PCDH15: variants seen among roughly 807,000 people sequenced by gnomAD.
PCDH15 encodes protocadherin related 15, also known as protocadherin-15.
A neutral mutation model predicts 178.5 loss-of-function variants in PCDH15; 129 were observed. The observed-to-expected ratio is 0.72, with a 90% CI of 0.63 to 0.84. PCDH15 has a LOEUF of 0.84. PCDH15 is among the 40% of genes least tolerant of loss of function. PCDH15 has a pLI of 0.00. For synonymous variants in PCDH15, 800 were observed against 732.0 expected (o/e 1.09, Z -1.50); for missense variants, 2,230 against 2,099.9 (o/e 1.06, Z -1.21).
intron 2 of PCDH15, among the ~76,000 whole-genome samples, chr10:55,556,910 A>C (rs990072573): frequency 6.6e-6 from 1 of 152,192 alleles, no homozygotes; most frequent in African/African-American, 2.4e-5. Flanking sequence ...TAATTTATTA[A>C]TCATGTGTAT....
chr10:54,932,125 C>T (rs1264262958), intron 2 of PCDH15, among the ~76,000 whole-genome samples: 1 of 152,148 alleles, frequency 6.6e-6, no homozygotes, highest in African/African-American at 2.4e-5. Context: ...TTAGAGTGTA[C>T]TTCTACTTAT....
Position 54,147,825 on chromosome 10 carries a change from C to G in PCDH15, c.1784+5275G>C, listed in dbSNP as rs565537209. Among the ~76,000 whole-genome samples, 721 of 151,938 alleles carry G rather than the reference C, an allele frequency of 4.7e-3. 18 individuals carry two copies. In the East Asian group the frequency reaches 0.094, roughly 20 times the overall value. On this transcript the variant is annotated intron_variant, in intron 14 of 37. Transcript: ENST00000644397. ...TAGTTTTCCTCCACAACAGTAACTA[C>G]AAAGATTATAGATATGAAACAGTGG... is the stretch of plus-strand genomic sequence containing the variant.
chr10:54,666,720 A>C lies in PCDH15; in HGVS notation c.-28-2430T>G, dbSNP rs920263260. ...AAAATTAATACAAACCAGAAAAGAT[A>C]TGTATTAGAAAACAAAATTAAAGAG... On this transcript the variant is annotated intron_variant, in intron 1 of 37. Coordinates refer to ENST00000644397, the MANE Select transcript of PCDH15 (RefSeq NM_001384140.1). Among the ~76,000 whole-genome samples the C allele has an allele frequency of 5.2e-4, 79 of 152,060 alleles. 1 individual carries two copies. The highest frequency in any genetic ancestry group is 1.9e-3 in the African/African-American group (77 of 41,432).
chr10:53,960,799 A>T (rs2088218276), intron 22 of PCDH15, among the ~76,000 whole-genome samples: 1 of 152,216 alleles, frequency 6.6e-6, no homozygotes, highest in African/African-American at 2.4e-5. Flanking sequence ...CATAGTGCTC[A>T]CTGATCCTTA....
chr10:54,012,078 C>A (rs140770186), intron 20 of PCDH15, among the ~76,000 whole-genome samples: 1 of 151,894 alleles, frequency 6.6e-6, no homozygotes, highest in Non-Finnish European at 1.5e-5. Flanking sequence ...GATGAAATGG[C>A]CATTATAAGA....
At chr10:54,169,656 G>C (rs973066159) in intron 13 of PCDH15, among the ~76,000 whole-genome samples, 64 of 151,006 alleles carry the variant, frequency 4.2e-4, no homozygotes, top group East Asian at 2.9e-3. Flanking sequence ...ACAAGTATAA[G>C]ATACCTCTAC....
At position 54,703,768 on chromosome 10, in the gene PCDH15, AG is replaced by A. The variant is rs147290260; in HGVS notation, c.-28-39479del. Among the ~76,000 whole-genome samples, 3 of 152,186 alleles carry A rather than the reference AG, an allele frequency of 2.0e-5. No homozygotes were observed. In the East Asian group the frequency reaches 5.8e-4, roughly 29 times the overall value. On this transcript the variant is annotated intron_variant, in intron 1 of 37. Transcript: ENST00000644397. ...AAACATTCCATACTCATATATAGCAAGAATCAATACTGTAAAAAGTGCAATA... is the reference window on the plus strand; with the variant it reads ...AAACATTCCATACTCATATATAGCAAAATCAATACTGTAAAAAGTGCAATA...
At chr10:54,890,908 A>C (rs1489590658) in intron 3 of PCDH15, among the ~76,000 whole-genome samples, 1 of 152,094 alleles carries the variant, frequency 6.6e-6, no homozygotes, top group Non-Finnish European at 1.5e-5. Context: ...AGTCTTCAAT[A>C]AAACACATAA....
At chr10:53,839,862 C>T (rs866839924) in intron 29 of PCDH15, among the ~76,000 whole-genome samples, 17 of 152,100 alleles carry the variant, frequency 1.1e-4, no homozygotes, top group African/African-American at 3.6e-4. Context: ...ACCTGCTCTC[C>T]ACCTGTAAGT....
intron 1 of PCDH15, among the ~76,000 whole-genome samples, chr10:55,293,870 T>C (rs1429806380): frequency 1.3e-5 from 2 of 152,176 alleles, no homozygotes; most frequent in Non-Finnish European, 2.9e-5. Context: ...CTCCAAGCTG[T>C]TCCCATCTCT....
At chr10:54,298,724 T>A (rs1481095172) in intron 8 of PCDH15, among the ~76,000 whole-genome samples, 2 of 152,158 alleles carry the variant, frequency 1.3e-5, no homozygotes, top group Admixed American at 1.3e-4. Flanking sequence ...CCCAGGTACG[T>A]TTAACTATTG....
chr10:55,316,053 T>C (rs1843714624), intron 1 of PCDH15, among the ~76,000 whole-genome samples: 1 of 152,128 alleles, frequency 6.6e-6, no homozygotes, highest in Non-Finnish European at 1.5e-5. Context: ...ACAAAATGTT[T>C]CTAATCAAAA....
At chr10:55,602,132 C>A (rs941465924) in intron 2 of PCDH15, among the ~76,000 whole-genome samples, 1 of 152,110 alleles carries the variant, frequency 6.6e-6, no homozygotes, top group Non-Finnish European at 1.5e-5. Context: ...TGACAGACAG[C>A]ACCTGGAAAA....
At chr10:55,089,540 G>A (rs1237423488) in intron 2 of PCDH15, among the ~76,000 whole-genome samples, 1 of 151,880 alleles carries the variant, frequency 6.6e-6, no homozygotes, top group Non-Finnish European at 1.5e-5. Flanking sequence ...ATCTTATTTT[G>A]TATTTCCCCA....
chr10:54,172,288 C>T (rs903985205), intron 13 of PCDH15, among the ~76,000 whole-genome samples: 1 of 151,958 alleles, frequency 6.6e-6, no homozygotes, highest in Non-Finnish European at 1.5e-5. Context: ...GAAACACCCC[C>T]ACTGAGCACC....
At chr10:53,947,716 T>C (rs1459754397) in intron 23 of PCDH15, among the ~76,000 whole-genome samples, 2 of 152,152 alleles carry the variant, frequency 1.3e-5, no homozygotes, top group African/African-American at 4.8e-5. Flanking sequence ...GGATTTTAGA[T>C]AAGAAAATTA....
chr10:55,120,135 G>A (rs1351176336), intron 2 of PCDH15, among the ~76,000 whole-genome samples: 1 of 152,094 alleles, frequency 6.6e-6, no homozygotes, highest in African/African-American at 2.4e-5. Context: ...ACAGGGACAA[G>A]AGATTCCACT....
intron 2 of PCDH15, among the ~76,000 whole-genome samples, chr10:55,446,457 A>G (rs76973362): frequency 6.6e-6 from 1 of 152,076 alleles, no homozygotes; most frequent in South Asian, 2.1e-4. Flanking sequence ...GTGAAAGGTT[A>G]GAAGAGAAAG....
chr10:53,940,126 T>C (rs2085924010), intron 24 of PCDH15, among the ~76,000 whole-genome samples: 1 of 152,136 alleles, frequency 6.6e-6, no homozygotes, highest in Non-Finnish European at 1.5e-5. Flanking sequence ...ATATTTACTA[T>C]TGATTAACTT....
Sources: gnomAD v4.1 joint callset for allele counts (sites outside exome capture counted in the v4.1 genomes callset) on GRCh38, gnomAD v4.1.1 for gene constraint, MANE v1.5 for transcripts, NCBI Gene and HGNC (gene_info 2026-07-23, HGNC 2026-07-21) for gene names.